SEMA6D: variants seen among roughly 807,000 people sequenced by gnomAD.
The protein encoded by SEMA6D is semaphorin 6D, also known as semaphorin-6D.
A neutral mutation model predicts 106.6 loss-of-function variants in SEMA6D; 35 were observed. That is an observed-to-expected ratio of 0.33 (90% CI 0.25 to 0.44). The LOEUF is 0.44. Among genes scored for constraint, SEMA6D ranks in the 20% least tolerant of loss-of-function variants. The pLI, the probability that SEMA6D is intolerant of heterozygous loss-of-function variation, is 1.00. For missense variants in SEMA6D, 1,185 were observed against 1,345.9 expected (o/e 0.88, Z 1.87); for synonymous variants, 499 against 487.7 (o/e 1.02, Z -0.31).
chr15:47,544,656 T>A (rs2045461487), intron 3 of SEMA6D, among the ~76,000 whole-genome samples: 1 of 151,692 alleles, frequency 6.6e-6, no homozygotes, highest in Admixed American at 6.6e-5. Flanking sequence ...GAGAAAGGAA[T>A]CAGGAAACCT....
rs1555414605 is a variant in SEMA6D at position 47,277,609 on chromosome 15, A to ATTTATTTAT, written c.-239+93193_-239+93194insTATTTATTT. Among the ~76,000 whole-genome samples the ATTTATTTAT allele has an allele frequency of 1.0e-4, 13 of 128,608 alleles. No homozygotes were observed. The East Asian group carries it at 1.4e-3, about 14-fold the overall frequency. 84.4% of individuals were successfully genotyped at this position (128,608 alleles called of 152,430 possible). A position where few individuals can be genotyped will look rare whatever the true frequency, so the allele number is the denominator to read the frequency against. ...TATTATTATTATTATTATTATTATT[A>ATTTATTTAT]TTATTTATTATTATTATTATACTTT... On this transcript the variant is annotated intron_variant, in intron 1 of 19. Coordinates refer to the SEMA6D transcript ENST00000558014.
chr15:47,454,598 T>TGC (rs1555442697), intron 2 of SEMA6D, among the ~76,000 whole-genome samples: 2 of 66,882 alleles, frequency 3.0e-5, no homozygotes, highest in Non-Finnish European at 4.9e-5. Context: ...CTTGCACATG[T>TGC]GCACACACAC....
At chr15:47,196,416 G>T (rs1894363794) in intron 1 of SEMA6D, among the ~76,000 whole-genome samples, 2 of 152,122 alleles carry the variant, frequency 1.3e-5, no homozygotes. Context: ...GAGACCTCCT[G>T]GAGGACATTT....
chr15:47,570,520 A>G (rs1414259858), intron 3 of SEMA6D, among the ~76,000 whole-genome samples: 1 of 152,214 alleles, frequency 6.6e-6, no homozygotes, highest in Non-Finnish European at 1.5e-5. Flanking sequence ...AAAAGAAGTA[A>G]AGTGTTTACC....
At chr15:47,534,412 G>T (rs1293756047) in intron 3 of SEMA6D, among the ~76,000 whole-genome samples, 1 of 151,864 alleles carries the variant, frequency 6.6e-6, no homozygotes, top group Non-Finnish European at 1.5e-5. Flanking sequence ...CCAACTCCTG[G>T]CCTCAAGTGA....
intron 1 of SEMA6D, among the ~76,000 whole-genome samples, chr15:47,217,785 T>C (rs141062664): frequency 0.012 from 1,821 of 151,770 alleles, 38 homozygotes; most frequent in Admixed American, 0.012. Context: ...TTAAATATGT[T>C]GTGCATATGT....
intron 3 of SEMA6D, among the ~76,000 whole-genome samples, chr15:47,553,414 T>C (rs2045822277): frequency 6.6e-6 from 1 of 152,156 alleles, no homozygotes; most frequent in South Asian, 2.1e-4. Flanking sequence ...CCAGCAGGAT[T>C]GCATAAAACA....
At chr15:47,335,242 GTAAC>G (rs2037504485) in intron 1 of SEMA6D, among the ~76,000 whole-genome samples, 1 of 152,138 alleles carries the variant, frequency 6.6e-6, no homozygotes, top group African/African-American at 2.4e-5. Context: ...GACTGTGAGA[GTAAC>G]TAATTTAAGA....
intron 1 of SEMA6D, chr15:47,272,685 C>A (rs2034610848): frequency 6.6e-6 from 1 of 152,588 alleles, no homozygotes; most frequent in Admixed American, 6.6e-5. Context: ...GCGGCTGTTC[C>A]CTTCTTCCCT....
chr15:47,705,719 G>A (rs1481731149), intron 4 of SEMA6D, among the ~76,000 whole-genome samples: 1 of 152,072 alleles, frequency 6.6e-6, no homozygotes, highest in Non-Finnish European at 1.5e-5. Flanking sequence ...AGTTCCCCAG[G>A]AAATTCCTGG....
intron 1 of SEMA6D, among the ~76,000 whole-genome samples, chr15:47,365,886 GA>G (rs1567029339): frequency 7.0e-3 from 411 of 59,094 alleles, no homozygotes; most frequent in South Asian, 0.028. Context: ...GAGAGAGAGA[GA>G]GAGGAGAGAG....
chr15:47,401,265 C>T lies in SEMA6D; in HGVS notation c.-238-11128C>T, dbSNP rs566975073. ...CTCCTCAAACCTTTTTATAATCCCA[C>T]ATTTCTTATAGAATAAATGGTCCCA... On this transcript the variant is annotated intron_variant, in intron 1 of 19. Transcript: ENST00000558014. Among the ~76,000 whole-genome samples, 13 of 152,272 alleles carry T rather than the reference C, an allele frequency of 8.5e-5. No homozygotes were observed. In the South Asian group the frequency reaches 2.7e-3, roughly 32 times the overall value.
intron 1 of SEMA6D, among the ~76,000 whole-genome samples, chr15:47,731,868 T>C (rs2080148762): frequency 1.3e-5 from 2 of 152,180 alleles, no homozygotes; most frequent in South Asian, 4.1e-4. Context: ...TATAGACATA[T>C]ATAAAAATAT....
At chr15:47,319,766 G>A (rs1038246429) in intron 1 of SEMA6D, among the ~76,000 whole-genome samples, 9 of 151,926 alleles carry the variant, frequency 5.9e-5, no homozygotes, top group African/African-American at 1.9e-4. Flanking sequence ...AGCATGAGGG[G>A]ATTATTTTTT....
chr15:47,694,527 G>A lies in SEMA6D; in HGVS notation c.-54-65218G>A, dbSNP rs993014786. Among the ~76,000 whole-genome samples, 7 of 151,946 alleles carry A rather than the reference G, an allele frequency of 4.6e-5. No individual in the cohort carries two copies. The East Asian group carries it at 1.4e-3, about 30-fold the overall frequency. On this transcript the variant is annotated intron_variant, in intron 4 of 19. Coordinates refer to the SEMA6D transcript ENST00000558014. The stretch of plus-strand genomic sequence containing the variant: ...CTCCAAAGGAAAAGTCTTTCTTCCT[G>A]TGCCCCTCTTCAACTAATTCAGGGC...
At chr15:47,604,687 A>G (rs960824411) in intron 4 of SEMA6D, among the ~76,000 whole-genome samples, 1 of 152,144 alleles carries the variant, frequency 6.6e-6, no homozygotes, top group Non-Finnish European at 1.5e-5. Context: ...GGTGGATTTT[A>G]TGACAATGCC....
At chr15:47,753,224 T>C (rs1273878405) in intron 1 of SEMA6D, among the ~76,000 whole-genome samples, 2 of 152,130 alleles carry the variant, frequency 1.3e-5, no homozygotes, top group Non-Finnish European at 2.9e-5. Context: ...TGGTCTAATT[T>C]AATTGAGAAA....
intron 1 of SEMA6D, among the ~76,000 whole-genome samples, chr15:47,302,934 T>C (rs974354712): frequency 8.5e-5 from 13 of 152,052 alleles, no homozygotes; most frequent in Non-Finnish European, 1.9e-4. Flanking sequence ...CACAGAAAGG[T>C]AGGTAGTACA....
intron 1 of SEMA6D, among the ~76,000 whole-genome samples, chr15:47,353,131 A>T (rs1002529904): frequency 6.6e-6 from 1 of 152,106 alleles, no homozygotes; most frequent in Non-Finnish European, 1.5e-5. Context: ...TCATAAAGAA[A>T]TCTTAAGGAT....
Sources: allele counts gnomAD v4.1 joint callset (sites outside exome capture counted in the v4.1 genomes callset), GRCh38; gene constraint gnomAD v4.1.1; transcripts MANE v1.5; gene names NCBI Gene and HGNC (gene_info 2026-07-23, HGNC 2026-07-21).